GLIS3: variants seen among roughly 807,000 people sequenced by gnomAD.
The protein encoded by GLIS3 is GLIS family zinc finger 3.
In GLIS3, 53 loss-of-function variants were observed where a neutral mutation model predicts 78.6. The ratio of observed to expected loss-of-function variants is 0.67; its 90% CI spans 0.54 to 0.85. The LOEUF (loss-of-function observed/expected upper bound fraction) is 0.85, where lower values mean the gene tolerates loss of function less well. Among genes scored for constraint, GLIS3 ranks in the 40% least tolerant of loss-of-function variants. GLIS3 has a pLI of 0.00. For missense variants in GLIS3, 1,703 were observed against 1,231.1 expected, an observed-to-expected ratio of 1.38 and a Z score of -5.74; for synonymous variants, 684 against 509.9, an observed-to-expected ratio of 1.34 and a Z score of -4.60.
chr9:4,214,559 C>G (rs183175484), intron 2 of GLIS3, among the ~76,000 whole-genome samples: 156 of 152,298 alleles, frequency 1.0e-3, no homozygotes, highest in Admixed American at 2.7e-3. Context: ...CCAGGAGGAA[C>G]AACAGAAATC....
At chr9:4,232,650 CA>C (rs1231690761) in intron 2 of GLIS3, among the ~76,000 whole-genome samples, 1 of 152,060 alleles carries the variant, frequency 6.6e-6, no homozygotes, top group Non-Finnish European at 1.5e-5. Flanking sequence ...TAGGCTACTA[CA>C]AAACAAAAGT....
At chr9:3,991,703 T>C (rs1232455481) in intron 4 of GLIS3, among the ~76,000 whole-genome samples, 6 of 138,372 alleles carry the variant, frequency 4.3e-5, no homozygotes, top group Non-Finnish European at 9.1e-5. Context: ...TTTTTTTTTT[T>C]TTTTTGAGAC....
the GLIS3 span, among the ~76,000 whole-genome samples, chr9:4,356,379 C>G: frequency 6.6e-6 from 1 of 152,086 alleles, no homozygotes; most frequent in African/African-American, 2.4e-5. Context: ...CACAGGGATC[C>G]GACAAAGCAA....
At chr9:4,182,001 G>C (rs1273101370) in intron 2 of GLIS3, among the ~76,000 whole-genome samples, 1 of 152,224 alleles carries the variant, frequency 6.6e-6, no homozygotes, top group Non-Finnish European at 1.5e-5. Flanking sequence ...TGGATGTTAA[G>C]CAACAGTAGA....
chr9:4,378,684 G>A, the GLIS3 span, among the ~76,000 whole-genome samples: 1 of 152,198 alleles, frequency 6.6e-6, no homozygotes, highest in African/African-American at 2.4e-5. Context: ...TATGGACTAT[G>A]TAGAGAAGGA....
intron 4 of GLIS3, among the ~76,000 whole-genome samples, chr9:4,040,467 A>G (rs1824715944): frequency 6.6e-6 from 1 of 152,230 alleles, no homozygotes; most frequent in African/African-American, 2.4e-5. Context: ...TAGAAAAGGA[A>G]GACATCCCCG....
At chr9:4,227,748 G>T (rs1821900686) in intron 2 of GLIS3, among the ~76,000 whole-genome samples, 1 of 152,168 alleles carries the variant, frequency 6.6e-6, no homozygotes, top group African/African-American at 2.4e-5. Flanking sequence ...CATAAAGTCA[G>T]GTGAAGCCAA....
intron 4 of GLIS3, among the ~76,000 whole-genome samples, chr9:4,106,651 G>C (rs1288772228): frequency 6.6e-6 from 1 of 152,144 alleles, no homozygotes; most frequent in African/African-American, 2.4e-5. Context: ...GAATAGAAGA[G>C]CATTTATGAC....
At chr9:3,887,618 T>A (rs1409780548) in intron 7 of GLIS3, among the ~76,000 whole-genome samples, 1 of 152,198 alleles carries the variant, frequency 6.6e-6, no homozygotes. Flanking sequence ...GCAGCTGGAT[T>A]TATAGCCAGG....
intron 6 of GLIS3, among the ~76,000 whole-genome samples, chr9:3,930,648 A>G (rs758623619): frequency 2.7e-4 from 41 of 152,162 alleles, no homozygotes; most frequent in Non-Finnish European, 5.3e-4. Context: ...TGAACATCAC[A>G]GTGTTGCTTA....
chr9:4,325,842 A>G (rs1044211330), intron 2 of GLIS3, among the ~76,000 whole-genome samples: 2 of 152,260 alleles, frequency 1.3e-5, no homozygotes, highest in African/African-American at 4.8e-5. Context: ...AAAATGTGGT[A>G]CATATACACC....
intron 2 of GLIS3, among the ~76,000 whole-genome samples, chr9:4,127,385 T>A (rs901078754): frequency 6.6e-6 from 1 of 152,202 alleles, no homozygotes; most frequent in Non-Finnish European, 1.5e-5. Context: ...CTGATTTTCT[T>A]TCCCAGATAC....
chr9:4,445,382 T>C, the GLIS3 span, among the ~76,000 whole-genome samples: 1 of 152,096 alleles, frequency 6.6e-6, no homozygotes, highest in Non-Finnish European at 1.5e-5. Context: ...ATCCCAGCAT[T>C]TGGGGAGGCT....
chr9:4,364,902 GC>G, the GLIS3 span, among the ~76,000 whole-genome samples: 1 of 151,668 alleles, frequency 6.6e-6, no homozygotes, highest in Admixed American at 6.6e-5. Context: ...TCTTGCCTCA[GC>G]CTCCCAAGTA....
At chr9:4,197,031 C>T (rs1338441329) in intron 2 of GLIS3, among the ~76,000 whole-genome samples, 4 of 152,186 alleles carry the variant, frequency 2.6e-5, no homozygotes, top group Admixed American at 6.5e-5. Context: ...GATCGTGGTG[C>T]AGTGGGGCTC....
intron 8 of GLIS3, among the ~76,000 whole-genome samples, chr9:3,872,709 G>C (rs1821045273): frequency 6.6e-6 from 1 of 152,204 alleles, no homozygotes; most frequent in African/African-American, 2.4e-5. Flanking sequence ...TACAATTCAA[G>C]ATGAGATTTG....
intron 2 of GLIS3, among the ~76,000 whole-genome samples, chr9:4,262,035 G>C (rs369389231): frequency 6.6e-6 from 1 of 152,130 alleles, no homozygotes; most frequent in Admixed American, 6.5e-5. Flanking sequence ...TATTTTCATG[G>C]AGAGGAAAAT....
At chr9:4,356,007 T>C in the GLIS3 span, among the ~76,000 whole-genome samples, 2 of 152,148 alleles carry the variant, frequency 1.3e-5, no homozygotes, top group African/African-American at 4.8e-5. Flanking sequence ...GTACAAAAAT[T>C]ATACATCAGT....
At chr9:4,291,873 T>C (rs181760687) in intron 1 of GLIS3, among the ~76,000 whole-genome samples, 226 of 152,284 alleles carry the variant, frequency 1.5e-3, no homozygotes, top group Non-Finnish European at 2.8e-3. Context: ...GTTTACTAAA[T>C]GTCACTACTT....
Sources: gnomAD v4.1 joint callset for allele counts (sites outside exome capture counted in the v4.1 genomes callset) on GRCh38, gnomAD v4.1.1 for gene constraint, MANE v1.5 for transcripts, NCBI Gene and HGNC (gene_info 2026-07-23, HGNC 2026-07-21) for gene names.